The following OTUD5 variants were observed in gnomAD, a reference collection of about 807,000 sequenced individuals.
OTUD5 encodes OTU domain-containing protein 5.
Under a neutral mutation model 36.3 loss-of-function variants are expected in OTUD5, and 2 were observed. That is an observed-to-expected ratio of 0.06 (90% CI 0.02 to 0.17). The LOEUF (loss-of-function observed/expected upper bound fraction) is 0.17, where lower values mean the gene tolerates loss of function less well. Ranked by LOEUF, OTUD5 falls within the 10% of genes least tolerant of loss-of-function variation. OTUD5 has a pLI of 1.00. For synonymous variants in OTUD5, 234 were observed against 214.9 expected, an observed-to-expected ratio of 1.09 and a Z score of -0.78; for missense variants, 233 against 512.3, an observed-to-expected ratio of 0.45 and a Z score of 5.26.
At chrX:48,937,554 T>C (rs2063848395) in intron 2 of OTUD5, among the ~76,000 whole-genome samples, 1 of 112,238 alleles carries the variant, frequency 8.9e-6, no homozygotes, top group Admixed American at 9.4e-5. Flanking sequence ...GGAAGGGATC[T>C]GGGGGAAAAC....
chrX:48,945,023 CAA>C (rs1171387245), intron 1 of OTUD5, among the ~76,000 whole-genome samples: 10 of 79,448 alleles, frequency 1.3e-4, no homozygotes, highest in East Asian at 3.8e-4. Context: ...AACTCTGTCT[CAA>C]AAAAAAAAAA....
intron 1 of OTUD5, among the ~76,000 whole-genome samples, chrX:48,955,253 G>A (rs1557054882): frequency 9.0e-6 from 1 of 111,657 alleles, no homozygotes; most frequent in Non-Finnish European, 1.9e-5. Flanking sequence ...AGTTGTCTGA[G>A]GTGAGGTGAC....
intron 1 of OTUD5, among the ~76,000 whole-genome samples, chrX:48,951,638 C>A (rs1308762059): frequency 2.7e-5 from 3 of 109,903 alleles, no homozygotes; most frequent in Non-Finnish European, 5.7e-5. Flanking sequence ...CACAGGCAAC[C>A]CATCCAACGA....
intron 2 of OTUD5, among the ~76,000 whole-genome samples, chrX:48,941,583 T>C (rs926530231): frequency 9.1e-6 from 1 of 110,471 alleles, no homozygotes; most frequent in African/African-American, 3.3e-5. Context: ...CATGGGATAA[T>C]GATCCAAGTT....
intron 2 of OTUD5, among the ~76,000 whole-genome samples, chrX:48,942,299 TAC>T (rs61325018): frequency 0.15 from 8,095 of 54,543 alleles, 511 homozygotes; most frequent in Admixed American, 0.26. Flanking sequence ...GCTAGCTAGA[TAC>T]ACACACACAC....
Position 48,922,690 on chromosome X carries a change from C to T in OTUD5, c.*484G>A, listed in dbSNP as rs978773445. 1 of 755,588 alleles carries T rather than the reference C, an allele frequency of 1.3e-6. No homozygotes were observed. The highest frequency in any genetic ancestry group is 1.6e-6 in the Non-Finnish European group (1 of 639,758). The allele number at this position is 755,588 out of a possible 1,213,427, so 62.3% of individuals were successfully genotyped here. On this transcript the variant is annotated 3_prime_UTR_variant, in exon 9 of 9. Transcript: ENST00000376488. ...AAAAATTCAACATTGAAGGCTCAGACGTTCTTGGGGGTACTGGGAAGGGAA... is the reference window on the plus strand; with the variant it reads ...AAAAATTCAACATTGAAGGCTCAGATGTTCTTGGGGGTACTGGGAAGGGAA...
At chrX:48,934,667 G>A (rs377185693) in intron 4 of OTUD5, 44 bp downstream of exon 4, 225 of 1,204,742 alleles carry the variant, frequency 1.9e-4, no homozygotes, top group South Asian at 3.0e-4. Context: ...GGGCAGGCTC[G>A]AATGAGGCAC....
intron 1 of OTUD5, among the ~76,000 whole-genome samples, chrX:48,955,290 C>G (rs1383182844): frequency 1.8e-5 from 2 of 111,343 alleles, no homozygotes; most frequent in Non-Finnish European, 3.8e-5. Flanking sequence ...GTTCAGAAAT[C>G]AGGTCCTAAG....
rs1436381034 is a variant in OTUD5 at position 48,957,294 on chromosome X, G to C, written c.277C>G (p.Pro93Ala). The C allele has an allele frequency of 9.0e-7, 1 of 1,115,753 alleles. No homozygotes were observed. The highest frequency in any genetic ancestry group is 1.9e-5 in the African/African-American group (1 of 52,566). The allele number at this position is 1,115,753 out of a possible 1,213,427, so 92.0% of individuals were successfully genotyped here. ...LAVPPGAVAG[P>A]RPQQASPPPC... ...GGTGGAGAAGCCTGTTGTGGCCGGG[G>C]ACCCGCCACTGCACCAGGCGGCACG... Residue 93 changes from proline (P) to alanine (A), a missense_variant, in exon 1 of 9, where the codon CCC (proline) becomes GCC (alanine). Physicochemically the swap from Pro to Ala is conservative, Grantham distance 27 (BLOSUM62 -1). Coordinates refer to ENST00000376488, the MANE Select transcript of OTUD5 (RefSeq NM_001136157.2).
chrX:48,932,730 G>A (rs1295563421), intron 5 of OTUD5, among the ~76,000 whole-genome samples: 1 of 111,227 alleles, frequency 9.0e-6, no homozygotes, highest in Admixed American at 9.6e-5. Flanking sequence ...GATCACTTGA[G>A]CCCAAGAGTT....
At position 48,957,603 on chromosome X, in the gene OTUD5, G is replaced by C; in HGVS notation, c.-33C>G. ...CTGCCGAGTACCCCCCAACAAACCC[G>C]GCGCGGGGCACGCCGGGAGAGAACC... On this transcript the variant is annotated 5_prime_UTR_variant, in exon 1 of 9. Transcript: ENST00000376488. 2 of 797,333 alleles carry C rather than the reference G, an allele frequency of 2.5e-6. No individual in the cohort carries two copies. The highest frequency in any genetic ancestry group is 8.0e-5 in the Admixed American group (1 of 12,424). The allele number at this position is 797,333 out of a possible 1,213,427, so 65.7% of individuals were successfully genotyped here.
At chrX:48,940,629 A>C (rs2147614807) in intron 2 of OTUD5, 1 of 112,192 alleles carries the variant, frequency 8.9e-6, no homozygotes. Flanking sequence ...AGCTAGCACC[A>C]GGACCCTGGT....
rs1325187086 is a variant in OTUD5, at chrX:48,957,058, G to A, written c.513C>T (p.Val171=). The A allele has an allele frequency of 8.4e-7, 1 of 1,192,762 alleles. No individual in the cohort carries two copies. The highest frequency in any genetic ancestry group is 1.8e-5 in the African/African-American group (1 of 56,606). Residue 171 remains valine (V), a synonymous_variant, in exon 1 of 9, where the codon GTC becomes GTT. Coordinates refer to ENST00000376488, the MANE Select transcript of OTUD5 (RefSeq NM_001136157.2). ...VGGGSPEREE[V]GAGYNSEDEY... ...CGTCCTCACTGTTGTAGCCTGCGCCGACCTCCTCACGCTCGGGACTGCCCC... is the reference window on the plus strand; with the variant it reads ...CGTCCTCACTGTTGTAGCCTGCGCCAACCTCCTCACGCTCGGGACTGCCCC...
chrX:48,958,336 A>C (rs1281177592), upstream of OTUD5: 2 of 112,745 alleles, frequency 1.8e-5, no homozygotes, highest in Admixed American at 1.9e-4. Context: ...AGCCGGAATG[A>C]CTGGAAAACA....
intron 1 of OTUD5, among the ~76,000 whole-genome samples, chrX:48,956,153 A>C (rs2064234131): frequency 1.8e-5 from 2 of 112,019 alleles, no homozygotes; most frequent in African/African-American, 3.2e-5. Flanking sequence ...CACTGATAGG[A>C]AATGCAGACC....
chrX:48,950,764 A>G (rs901450628), intron 1 of OTUD5, among the ~76,000 whole-genome samples: 7 of 108,668 alleles, frequency 6.4e-5, no homozygotes, highest in Non-Finnish European at 9.6e-5. Flanking sequence ...GGGTTTTACT[A>G]TCTTGGCCAG....
chrX:48,926,458 C>T (rs1316057279), intron 5 of OTUD5, among the ~76,000 whole-genome samples: 3 of 110,240 alleles, frequency 2.7e-5, no homozygotes, highest in Non-Finnish European at 3.8e-5. Flanking sequence ...TCAAGGGATT[C>T]TCCAGCCTCA....
At chrX:48,955,956 G>A (rs1027350049) in intron 1 of OTUD5, among the ~76,000 whole-genome samples, 2 of 110,320 alleles carry the variant, frequency 1.8e-5, no homozygotes, top group Non-Finnish European at 3.8e-5. Flanking sequence ...CCTCAGACTC[G>A]GTCTCTAAAA....
intron 1 of OTUD5, among the ~76,000 whole-genome samples, chrX:48,953,933 T>C (rs2064190067): frequency 9.1e-6 from 1 of 110,295 alleles, no homozygotes; most frequent in Non-Finnish European, 1.9e-5. Flanking sequence ...CCACCCCTAG[T>C]GACAGTTTAG....
Sources: gnomAD v4.1 joint callset for allele counts (sites outside exome capture counted in the v4.1 genomes callset) on GRCh38, gnomAD v4.1.1 for gene constraint, MANE v1.5 for transcripts, NCBI Gene and HGNC (gene_info 2026-07-23, HGNC 2026-07-21) for gene names.